Variants in SEC31A observed in about 807,000 individuals in gnomAD.
SEC31A encodes the protein SEC31 homolog A, COPII component.
A neutral mutation model predicts 151.0 loss-of-function variants in SEC31A; 70 were observed. That is an observed-to-expected ratio of 0.46 (90% CI 0.38 to 0.57). The LOEUF (loss-of-function observed/expected upper bound fraction) is 0.57. Ranked by LOEUF, SEC31A falls within the 20% of genes least tolerant of loss-of-function variation. The pLI is 0.00. For missense variants in SEC31A, 1,330 were observed against 1,471.2 expected (o/e 0.90, Z 1.57); for synonymous variants, 475 against 505.9 (o/e 0.94, Z 0.82).
chr4:82,836,573 T>C (rs1447049748), intron 22 of SEC31A, among the ~76,000 whole-genome samples: 1 of 152,030 alleles, frequency 6.6e-6, no homozygotes, highest in African/African-American at 2.4e-5. Flanking sequence ...ACAACATAGA[T>C]GAACCTGGAA....
chr4:82,881,771 A>C (rs765113068), intron 2 of SEC31A, 87 bp downstream of exon 2: 45 of 998,822 alleles, frequency 4.5e-5, no homozygotes, highest in Non-Finnish European at 5.9e-5. Context: ...GAGGCTTTCT[A>C]GAGAAGATAA....
chr4:82,845,694 T>A (rs1729943007), intron 20 of SEC31A, among the ~76,000 whole-genome samples: 1 of 151,850 alleles, frequency 6.6e-6, no homozygotes, highest in South Asian at 2.1e-4. Context: ...GAAGCATTAA[T>A]AGTATTCAAG....
intron 20 of SEC31A, 44 bp from the exon 21 acceptor site, chr4:82,844,553 C>T: frequency 6.9e-6 from 11 of 1,583,246 alleles, no homozygotes; most frequent in Non-Finnish European, 7.8e-6. Context: ...CAAGTAGAAC[C>T]AGGAACTTCA....
At chr4:82,871,700 A>G in intron 7 of SEC31A, 1 of 534,940 alleles carries the variant, frequency 1.9e-6, no homozygotes, top group East Asian at 3.2e-5. Flanking sequence ...ATTTCCTGGC[A>G]TGGTGGCTTG....
intron 22 of SEC31A, among the ~76,000 whole-genome samples, chr4:82,829,672 T>C (rs189959287): frequency 1.1e-4 from 17 of 152,226 alleles, no homozygotes; most frequent in Middle Eastern, 3.4e-3. Flanking sequence ...AGATTTTTAA[T>C]GCCGTAAAAA....
At chr4:82,887,741 G>A (rs1490357860) in intron 1 of SEC31A, among the ~76,000 whole-genome samples, 3 of 152,184 alleles carry the variant, frequency 2.0e-5, no homozygotes, top group African/African-American at 7.2e-5. Flanking sequence ...TACTTAAAAC[G>A]TCTACCACCA....
rs1733216675 is a variant in SEC31A, at chr4:82,858,410, G to A, written c.1627-646C>T. On this transcript the variant is annotated intron_variant, in intron 14 of 26. Coordinates refer to ENST00000395310, the MANE Select transcript of SEC31A (RefSeq NM_001077207.4). ...AATACAAAAATTAGCTGGCGGCAGTGGTGTGCACCTGTAGCCCCACCTACT... is the reference window on the plus strand; with the variant it reads ...AATACAAAAATTAGCTGGCGGCAGTAGTGTGCACCTGTAGCCCCACCTACT... 2.0e-5 allele frequency among the ~76,000 whole-genome samples: 3 copies of A among 151,548 alleles called. No individual in the cohort carries two copies. In the South Asian group the frequency reaches 6.3e-4, roughly 32 times the overall value.
intron 23 of SEC31A, among the ~76,000 whole-genome samples, chr4:82,828,232 CTG>C (rs905624788): frequency 3.3e-4 from 50 of 152,194 alleles, no homozygotes; most frequent in African/African-American, 1.1e-3. Context: ...GTCTGGAGAA[CTG>C]TATGTAGCAA....
In SEC31A at chr4:82,891,027, T is replaced by G. The variant is rs571224855; in HGVS notation, c.-5+61A>C. The G allele has an allele frequency of 6.5e-6, 10 of 1,533,236 alleles. No homozygotes were observed. In the East Asian group the frequency reaches 2.2e-4, roughly 34 times the overall value. The allele number at this position is 1,533,236 out of a possible 1,614,324, so 95.0% of individuals were successfully genotyped here. On this transcript the variant is annotated intron_variant, in intron 1 of 26. Transcript: ENST00000395310. ...CCAGGCTGCGGTCCCAGTTTTGGCC[T>G]GGGCTCTACCTCAAAGCTTAAGGAC...
At chr4:82,849,694 T>C (rs1578221607) in intron 19 of SEC31A, among the ~76,000 whole-genome samples, 1 of 148,708 alleles carries the variant, frequency 6.7e-6, no homozygotes, top group Admixed American at 6.7e-5. Flanking sequence ...AAGAAAATGG[T>C]GATTTAAGAA....
chr4:82,898,960 C>A (rs1436066253), intron 3 of SEC31A, among the ~76,000 whole-genome samples: 1 of 151,880 alleles, frequency 6.6e-6, no homozygotes. Context: ...TTGGAAAACC[C>A]AAATGTCCAC....
intron 14 of SEC31A, among the ~76,000 whole-genome samples, chr4:82,859,686 T>A (rs1177787756): frequency 1.3e-5 from 2 of 152,192 alleles, no homozygotes; most frequent in African/African-American, 4.8e-5. Flanking sequence ...GAGAAGCATT[T>A]GGAATTTAAA....
chr4:82,859,615 T>G (rs1733610178), intron 14 of SEC31A, among the ~76,000 whole-genome samples: 2 of 152,146 alleles, frequency 1.3e-5, no homozygotes, highest in South Asian at 4.1e-4. Flanking sequence ...ATACACTTAA[T>G]TATTAATGTT....
At chr4:82,861,741 G>A (rs901095213) in intron 13 of SEC31A, 33 bp from the exon 14 acceptor site, 23 of 1,455,036 alleles carry the variant, frequency 1.6e-5, no homozygotes, top group Non-Finnish European at 2.2e-5. Flanking sequence ...AGGGGAAGGT[G>A]AAGAATGTAG....
intron 8 of SEC31A, among the ~76,000 whole-genome samples, chr4:82,868,664 A>C (rs1560644040): frequency 6.6e-6 from 1 of 152,146 alleles, no homozygotes; most frequent in Non-Finnish European, 1.5e-5. Flanking sequence ...AAATGAACTT[A>C]ACTCTGGCTT....
At chr4:82,828,135 G>A (rs552463915) in intron 23 of SEC31A, among the ~76,000 whole-genome samples, 1 of 152,116 alleles carries the variant, frequency 6.6e-6, no homozygotes, top group African/African-American at 2.4e-5. Context: ...GGCTGGTCTA[G>A]AACTCCTGAC....
chr4:82,862,791 C>T (rs911014755), intron 12 of SEC31A, among the ~76,000 whole-genome samples: 1 of 152,172 alleles, frequency 6.6e-6, no homozygotes, highest in Admixed American at 6.5e-5. Flanking sequence ...ATTCTATTTC[C>T]TCATTTTTTG....
intron 20 of SEC31A, chr4:82,845,107 G>GAAT: frequency 1.3e-6 from 1 of 793,248 alleles, no homozygotes; most frequent in Admixed American, 2.3e-5. Context: ...TGGGGAGTGG[G>GAAT]GGTGAAAGAG....
intron 24 of SEC31A, among the ~76,000 whole-genome samples, chr4:82,826,373 A>AG (rs1459028109): frequency 6.8e-6 from 1 of 147,132 alleles, no homozygotes; most frequent in Non-Finnish European, 1.5e-5. Context: ...GTTGTTGTTG[A>AG]GACGGAGTCT....
Sources: allele counts gnomAD v4.1 joint callset (sites outside exome capture counted in the v4.1 genomes callset), GRCh38; gene constraint gnomAD v4.1.1; transcripts MANE v1.5; gene names NCBI Gene and HGNC (gene_info 2026-07-23, HGNC 2026-07-21).